SUPT3H: variants seen among roughly 807,000 people sequenced by gnomAD.
SUPT3H encodes SPT3 homolog, SAGA and STAGA complex component.
SUPT3H carries 44 observed loss-of-function variants against 44.3 expected under a neutral mutation model. The observed-to-expected ratio is 0.99, with a 90% CI of 0.78 to 1.28. The LOEUF is 1.28. Among genes scored for constraint, SUPT3H ranks in the 50% most tolerant of loss-of-function variants. The probability of loss-of-function intolerance (pLI) is 0.00; values close to 1 mark genes in which losing one functional copy is unlikely to be tolerated. For synonymous variants in SUPT3H, 124 were observed against 125.6 expected (o/e 0.99, Z 0.09); for missense variants, 380 against 387.1 (o/e 0.98, Z 0.15).
intron 2 of SUPT3H, among the ~76,000 whole-genome samples, chr6:45,139,187 A>G (rs926871510): frequency 2.6e-5 from 4 of 152,242 alleles, no homozygotes; most frequent in African/African-American, 9.6e-5. Flanking sequence ...TTATGACTTA[A>G]AAAGATACTC....
At chr6:45,060,700 A>C (rs1237464661) in intron 3 of SUPT3H, among the ~76,000 whole-genome samples, 2 of 152,136 alleles carry the variant, frequency 1.3e-5, no homozygotes, top group Non-Finnish European at 2.9e-5. Context: ...TCTATCCATG[A>C]GATAAAGGTC....
rs552077655 is a variant in SUPT3H at position 44,912,687 on chromosome 6, T to C, written c.912+19966A>G. On this transcript the variant is annotated intron_variant, in intron 10 of 10. Coordinates refer to ENST00000371459, the MANE Select transcript of SUPT3H (RefSeq NM_003599.4). ...GTTGTTCCCTTTACCTCTGGATTCC[T>C]AAAGCACCTAGAACCAATGATGTGA... Among the ~76,000 whole-genome samples, 3 of 152,338 alleles carry C rather than the reference T, an allele frequency of 2.0e-5. No homozygotes were observed. In the South Asian group the frequency reaches 6.2e-4, roughly 32 times the overall value.
intron 2 of SUPT3H, among the ~76,000 whole-genome samples, chr6:45,195,591 C>A (rs1449210914): frequency 6.6e-6 from 1 of 152,070 alleles, no homozygotes; most frequent in Non-Finnish European, 1.5e-5. Flanking sequence ...TCTGTCATAT[C>A]AAATTAAGGT....
At chr6:45,162,130 C>A (rs563739835) in intron 2 of SUPT3H, among the ~76,000 whole-genome samples, 1 of 152,184 alleles carries the variant, frequency 6.6e-6, no homozygotes, top group Admixed American at 6.6e-5. Context: ...ACCTGACAGG[C>A]AGGTCTTTGC....
At chr6:45,317,878 AAAC>A (rs141612395) in intron 2 of SUPT3H, among the ~76,000 whole-genome samples, 19,706 of 152,170 alleles carry the variant, frequency 0.13, 1,509 homozygotes, top group East Asian at 0.26. Context: ...AGAACAAAGA[AAAC>A]AATCAACAGA....
At chr6:45,101,590 G>C (rs1798582846) in intron 3 of SUPT3H, among the ~76,000 whole-genome samples, 1 of 152,202 alleles carries the variant, frequency 6.6e-6, no homozygotes, top group South Asian at 2.1e-4. Context: ...GCATTATGTA[G>C]TGACTATAAT....
chr6:44,868,975 T>G (rs1022013637), intron 10 of SUPT3H, among the ~76,000 whole-genome samples: 1 of 152,214 alleles, frequency 6.6e-6, no homozygotes, highest in African/African-American at 2.4e-5. Context: ...TCACTTTTGA[T>G]TCCTCTGAAT....
chr6:45,211,124 AT>A (rs1941836500), intron 2 of SUPT3H, among the ~76,000 whole-genome samples: 1 of 152,218 alleles, frequency 6.6e-6, no homozygotes, highest in Non-Finnish European at 1.5e-5. Context: ...AAAAATTTTA[AT>A]GAGTCAAAAT....
At chr6:45,078,995 G>A (rs1354558086) in intron 3 of SUPT3H, among the ~76,000 whole-genome samples, 1 of 152,180 alleles carries the variant, frequency 6.6e-6, no homozygotes, top group South Asian at 2.1e-4. Context: ...CCCCATACTT[G>A]GGAAGTTTTC....
chr6:45,375,720 T>C (rs1796684514), intron 1 of SUPT3H, among the ~76,000 whole-genome samples: 1 of 152,192 alleles, frequency 6.6e-6, no homozygotes, highest in Admixed American at 6.5e-5. Flanking sequence ...AAGGGCACCA[T>C]TTTACAGACA....
At chr6:45,354,210 A>G (rs1017363245) in intron 2 of SUPT3H, among the ~76,000 whole-genome samples, 2 of 152,202 alleles carry the variant, frequency 1.3e-5, no homozygotes. Context: ...ATCATTTTTA[A>G]TAATAGTGGA....
intron 6 of SUPT3H, among the ~76,000 whole-genome samples, chr6:44,982,324 C>T (rs546762426): frequency 1.3e-5 from 2 of 152,134 alleles, no homozygotes; most frequent in East Asian, 3.9e-4. Flanking sequence ...CCTGGGTTCA[C>T]ACCATTTTCC....
intron 10 of SUPT3H, among the ~76,000 whole-genome samples, chr6:44,926,377 T>A (rs1406904275): frequency 2.6e-5 from 4 of 151,856 alleles, no homozygotes; most frequent in African/African-American, 9.7e-5. Flanking sequence ...ACATATCGAA[T>A]TAGAAAAAAA....
intron 10 of SUPT3H, among the ~76,000 whole-genome samples, chr6:44,900,385 T>C (rs1764788221): frequency 6.6e-6 from 1 of 152,238 alleles, no homozygotes; most frequent in Non-Finnish European, 1.5e-5. Flanking sequence ...ATTCTGCGCC[T>C]GGCTCGGAGG....
chr6:45,111,325 C>G (rs949410494), intron 2 of SUPT3H, among the ~76,000 whole-genome samples: 2 of 151,990 alleles, frequency 1.3e-5, no homozygotes, highest in African/African-American at 4.8e-5. Context: ...TCCACTGCCC[C>G]CAGCCAAAAT....
intron 3 of SUPT3H, among the ~76,000 whole-genome samples, chr6:45,038,924 A>C (rs761831440): frequency 3.3e-5 from 5 of 152,156 alleles, no homozygotes; most frequent in Non-Finnish European, 7.4e-5. Flanking sequence ...AAATCTTGGT[A>C]TTATTTCAAA....
intron 2 of SUPT3H, among the ~76,000 whole-genome samples, chr6:45,129,397 T>G (rs1803052722): frequency 6.6e-6 from 1 of 152,242 alleles, no homozygotes; most frequent in South Asian, 2.1e-4. Context: ...ATATTGAAGA[T>G]CTGGAATCAA....
chr6:45,343,465 T>C (rs987861896), intron 2 of SUPT3H, among the ~76,000 whole-genome samples: 2 of 152,114 alleles, frequency 1.3e-5, no homozygotes, highest in Non-Finnish European at 2.9e-5. Context: ...TCTATAATAA[T>C]TGCACCTCCA....
At chr6:45,275,883 A>T (rs562536326) in intron 2 of SUPT3H, among the ~76,000 whole-genome samples, 50 of 152,286 alleles carry the variant, frequency 3.3e-4, no homozygotes, top group Middle Eastern at 3.4e-3. Flanking sequence ...TTAAAAAATT[A>T]AAAAAGAAAC....
Sources: allele counts gnomAD v4.1 joint callset (sites outside exome capture counted in the v4.1 genomes callset), GRCh38; gene constraint gnomAD v4.1.1; transcripts MANE v1.5; gene names NCBI Gene and HGNC (gene_info 2026-07-23, HGNC 2026-07-21).